Variants in CFAP47 observed in about 807,000 individuals in gnomAD.
CFAP47 encodes cilia- and flagella-associated protein 47.
A neutral mutation model predicts 148.1 loss-of-function variants in CFAP47; 29 were observed. That is an observed-to-expected ratio of 0.20 (90% confidence interval 0.15 to 0.27). CFAP47 has a LOEUF of 0.27. Among genes scored for constraint, CFAP47 ranks in the 10% least tolerant of loss-of-function variants. CFAP47 has a pLI of 1.00. For missense variants in CFAP47, 1,872 were observed against 1,697.5 expected, an observed-to-expected ratio of 1.10 and a Z score of -1.81; for synonymous variants, 664 against 577.3, an observed-to-expected ratio of 1.15 and a Z score of -2.15.
chrX:35,948,303 A>T lies in CFAP47; in HGVS notation c.518-11A>T, dbSNP rs144796344. 3.3e-3 allele frequency: 3,875 copies of T among 1,192,087 alleles called. 81 individuals carry two copies. The African/African-American group carries it at 0.06, about 18-fold the overall frequency. On this transcript the variant is annotated splice_polypyrimidine_tract_variant and intron_variant, in intron 3 of 63. Transcript: ENST00000378653. ...GTCCAGATGTAAATCAACTGCTCTTATTCCCTATAGGCATATTTAAGGCAG... is the reference window on the plus strand; with the variant it reads ...GTCCAGATGTAAATCAACTGCTCTTTTTCCCTATAGGCATATTTAAGGCAG...
chrX:36,133,057 G>A (rs1938976396), intron 33 of CFAP47, among the ~76,000 whole-genome samples: 1 of 111,690 alleles, frequency 9.0e-6, no homozygotes, highest in South Asian at 3.7e-4. Flanking sequence ...TCTACTTGTA[G>A]ATAGAGCTAG....
chrX:36,053,346 T>C (rs1284092932), intron 26 of CFAP47, among the ~76,000 whole-genome samples: 3 of 111,611 alleles, frequency 2.7e-5, no homozygotes, highest in Non-Finnish European at 5.6e-5. Flanking sequence ...TTTAGCATCA[T>C]GGCAACAAAA....
At chrX:36,295,176 T>C (rs1311293114) in intron 51 of CFAP47, among the ~76,000 whole-genome samples, 1 of 112,403 alleles carries the variant, frequency 8.9e-6, no homozygotes, top group Non-Finnish European at 1.9e-5. Context: ...AAAGAAGGCT[T>C]TAGAAGTCAT....
rs782297581 is a variant in CFAP47 at position 36,226,694 on chromosome X, T to C, written c.6818-1934T>C. 2.4e-3 allele frequency among the ~76,000 whole-genome samples: 272 copies of C among 111,460 alleles called. 4 individuals carry two copies. The highest frequency in any genetic ancestry group is 8.3e-3 in the African/African-American group (256 of 30,834). ...TCCTTGCTCATAAACATTTCATGAG[T>C]TGGAAAATGTACACTTAAGAATGTC... On this transcript the variant is annotated intron_variant, in intron 45 of 63. Coordinates refer to ENST00000378653, the MANE Select transcript of CFAP47 (RefSeq NM_001304548.2).
intron 33 of CFAP47, among the ~76,000 whole-genome samples, chrX:36,107,052 G>C (rs1938478126): frequency 9.0e-6 from 1 of 111,681 alleles, no homozygotes; most frequent in Non-Finnish European, 1.9e-5. Flanking sequence ...GGTTGATAGT[G>C]GGGGAGGATT....
intron 26 of CFAP47, among the ~76,000 whole-genome samples, chrX:36,060,175 A>G (rs1937582850): frequency 8.9e-6 from 1 of 111,804 alleles, no homozygotes; most frequent in African/African-American, 3.2e-5. Context: ...ACAGACTAAG[A>G]CAATGTCCAT....
At chrX:36,114,878 C>T (rs1938614136) in intron 33 of CFAP47, among the ~76,000 whole-genome samples, 1 of 112,108 alleles carries the variant, frequency 8.9e-6, no homozygotes, top group South Asian at 3.7e-4. Context: ...ATATCAGCTG[C>T]ATTAGGGTGC....
intron 49 of CFAP47, among the ~76,000 whole-genome samples, chrX:36,261,995 G>A (rs782525893): frequency 2.7e-5 from 3 of 112,131 alleles, no homozygotes; most frequent in African/African-American, 6.5e-5. Context: ...CTGGCCGGGC[G>A]GGGGCTGACC....
At chrX:35,989,714 G>A in intron 16 of CFAP47, 1 of 633,033 alleles carries the variant, frequency 1.6e-6, no homozygotes, top group African/African-American at 2.2e-5. Flanking sequence ...AGGGAAAGCT[G>A]TAATATGCAA....
chrX:36,139,336 T>C (rs1352968315), intron 35 of CFAP47, among the ~76,000 whole-genome samples: 1 of 111,403 alleles, frequency 9.0e-6, no homozygotes, highest in African/African-American at 3.3e-5. Flanking sequence ...AAAAGTGACA[T>C]ACGTTAAGGA....
rs540186757 is a variant in CFAP47 at position 36,151,324 on chromosome X, A to G, written c.5786+2101A>G. ...TTCCAGTCTTTTCATAGGCACACAT[A>G]GGTTTATTATAACATATGCATACTT... On this transcript the variant is annotated intron_variant, in intron 37 of 63. Transcript: ENST00000378653. Among the ~76,000 whole-genome samples, 10 of 112,125 alleles carry G rather than the reference A, an allele frequency of 8.9e-5. No homozygotes were observed. In the South Asian group the frequency reaches 2.9e-3, roughly 33 times the overall value.
At chrX:36,241,662 G>A (rs139321716) in intron 48 of CFAP47, among the ~76,000 whole-genome samples, 1 of 111,745 alleles carries the variant, frequency 8.9e-6, no homozygotes, top group Non-Finnish European at 1.9e-5. Context: ...GGAGTACTGA[G>A]CCAATATCTT....
At chrX:36,271,201 A>G (rs2046131311) in intron 49 of CFAP47, among the ~76,000 whole-genome samples, 1 of 111,950 alleles carries the variant, frequency 8.9e-6, no homozygotes, top group African/African-American at 3.2e-5. Flanking sequence ...GAGAAACAAA[A>G]CTTTATTCAA....
chrX:36,112,400 A>T (rs1938570361), intron 33 of CFAP47, among the ~76,000 whole-genome samples: 1 of 111,594 alleles, frequency 9.0e-6, no homozygotes, highest in African/African-American at 3.3e-5. Flanking sequence ...ATTTCCATGT[A>T]ATTATATGGT....
chrX:36,187,920 C>A (rs1450388788), intron 40 of CFAP47, among the ~76,000 whole-genome samples: 1 of 111,399 alleles, frequency 9.0e-6, no homozygotes, highest in African/African-American at 3.3e-5. Context: ...TCAAAGTGAG[C>A]AAATGTGGGG....
chrX:35,998,812 T>C (rs2146690246), intron 19 of CFAP47, among the ~76,000 whole-genome samples: 2 of 111,875 alleles, frequency 1.8e-5, no homozygotes, highest in East Asian at 5.6e-4. Flanking sequence ...TACTATGGCA[T>C]CCTTCCTTGA....
chrX:35,997,916 C>A (rs1936867583), intron 19 of CFAP47, among the ~76,000 whole-genome samples: 1 of 111,176 alleles, frequency 9.0e-6, no homozygotes, highest in Admixed American at 9.6e-5. Flanking sequence ...TTTACATGAT[C>A]ATTCAGTTGT....
intron 45 of CFAP47, 99 bp from the exon 46 acceptor site, chrX:36,228,529 G>A: frequency 2.1e-6 from 1 of 469,075 alleles, no homozygotes. Flanking sequence ...TCTAGGTTAT[G>A]CAGTACAATT....
chrX:35,992,307 A>G (rs1654588147), intron 17 of CFAP47, among the ~76,000 whole-genome samples: 1 of 111,025 alleles, frequency 9.0e-6, no homozygotes, highest in South Asian at 3.7e-4. Flanking sequence ...GCACCTGGGA[A>G]CTAGATCAAG....
Sources: allele counts gnomAD v4.1 joint callset (sites outside exome capture counted in the v4.1 genomes callset), GRCh38; gene constraint gnomAD v4.1.1; transcripts MANE v1.5; gene names NCBI Gene and HGNC (gene_info 2026-07-23, HGNC 2026-07-21).